The following PDE1A variants were observed in gnomAD, a reference collection of about 807,000 sequenced individuals.
The protein encoded by PDE1A is phosphodiesterase 1A.
PDE1A carries 35 observed loss-of-function variants against 61.7 expected under a neutral mutation model. The observed-to-expected ratio is 0.57, with a 90% CI of 0.43 to 0.75. PDE1A has a LOEUF of 0.75. PDE1A is among the 30% of genes least tolerant of loss of function. The pLI is 0.00. For synonymous variants in PDE1A, 232 were observed against 213.2 expected (o/e 1.09, Z -0.77); for missense variants, 597 against 630.6 (o/e 0.95, Z 0.57).
chr2:182,167,955 A>C, exon 14 of PDE1A: 3 of 1,170,572 alleles, frequency 2.6e-6, no homozygotes, highest in Non-Finnish European at 3.2e-6. Flanking sequence ...AAGAAAATTT[A>C]TTGGCACTCG....
At chr2:182,364,122 T>C (rs1029733980) in intron 1 of PDE1A, among the ~76,000 whole-genome samples, 3 of 152,020 alleles carry the variant, frequency 2.0e-5, no homozygotes, top group East Asian at 1.9e-4. Flanking sequence ...ATATCTCCAA[T>C]AGAACAAGGA....
At chr2:182,182,788 T>G (rs1045465657) in intron 13 of PDE1A, among the ~76,000 whole-genome samples, 2 of 151,886 alleles carry the variant, frequency 1.3e-5, no homozygotes, top group African/African-American at 4.8e-5. Context: ...GTTTTAAAAA[T>G]TTGTTAACAC....
intron 13 of PDE1A, chr2:182,168,424 C>T: frequency 1.3e-6 from 1 of 764,230 alleles, no homozygotes. Context: ...TGAAGAGAAA[C>T]ATAATTGGCA....
chr2:182,413,270 A>G (rs776711050), intron 1 of PDE1A, among the ~76,000 whole-genome samples: 14 of 152,212 alleles, frequency 9.2e-5, no homozygotes, highest in African/African-American at 1.2e-4. Context: ...TGACATAACC[A>G]TGACAAAGTT....
At chr2:182,344,042 T>C (rs1296672953) in intron 1 of PDE1A, among the ~76,000 whole-genome samples, 2 of 151,988 alleles carry the variant, frequency 1.3e-5, no homozygotes, top group African/African-American at 2.4e-5. Flanking sequence ...GGCTAATTTT[T>C]AATATTTTTT....
chr2:182,523,858 C>T (rs147974429), upstream of PDE1A, among the ~76,000 whole-genome samples: 4 of 152,076 alleles, frequency 2.6e-5, no homozygotes, highest in Non-Finnish European at 4.4e-5. Flanking sequence ...ATTACTATGT[C>T]TATACAAATG....
chr2:182,468,113 G>A (rs1023221235), intron 2 of PDE1A, among the ~76,000 whole-genome samples: 1 of 151,938 alleles, frequency 6.6e-6, no homozygotes, highest in Non-Finnish European at 1.5e-5. Context: ...GTTGCTGAAA[G>A]TTGGGGTGGT....
chr2:182,265,759 A>C (rs1692588850), intron 1 of PDE1A, among the ~76,000 whole-genome samples: 1 of 152,186 alleles, frequency 6.6e-6, no homozygotes, highest in South Asian at 2.1e-4. Context: ...CTCTTTACCA[A>C]GTACAAAAGG....
intron 13 of PDE1A, among the ~76,000 whole-genome samples, chr2:182,178,116 A>T (rs1684431908): frequency 6.6e-6 from 1 of 152,200 alleles, no homozygotes; most frequent in Non-Finnish European, 1.5e-5. Flanking sequence ...TAACAGGCTC[A>T]TGCCTATTTA....
At chr2:182,631,546 C>T in the PDE1A span, among the ~76,000 whole-genome samples, 2 of 152,132 alleles carry the variant, frequency 1.3e-5, no homozygotes, top group Non-Finnish European at 2.9e-5. Context: ...AGGCATACCC[C>T]CCAGAAACAA....
At chr2:182,434,955 C>T (rs1257962646) in intron 2 of PDE1A, among the ~76,000 whole-genome samples, 1 of 151,916 alleles carries the variant, frequency 6.6e-6, no homozygotes, top group Admixed American at 6.6e-5. Context: ...GCTAACTCCC[C>T]GGTCATTTAA....
intron 2 of PDE1A, among the ~76,000 whole-genome samples, chr2:182,476,641 T>A (rs1201289376): frequency 3.9e-5 from 6 of 151,944 alleles, no homozygotes; most frequent in Non-Finnish European, 8.8e-5. Context: ...ATAAAATTAA[T>A]GTGGAATGTT....
chr2:182,403,890 G>A (rs1702156159), intron 1 of PDE1A, among the ~76,000 whole-genome samples: 1 of 152,124 alleles, frequency 6.6e-6, no homozygotes, highest in Non-Finnish European at 1.5e-5. Context: ...GTAGATCATG[G>A]GTTGATGGGT....
At chr2:182,302,358 C>T (rs1695301195) in intron 1 of PDE1A, among the ~76,000 whole-genome samples, 1 of 152,162 alleles carries the variant, frequency 6.6e-6, no homozygotes, top group Non-Finnish European at 1.5e-5. Context: ...ACTGCAATAG[C>T]GCAAATGTGA....
At chr2:182,178,827 CA>C (rs976268286) in intron 13 of PDE1A, among the ~76,000 whole-genome samples, 2 of 151,930 alleles carry the variant, frequency 1.3e-5, no homozygotes. Flanking sequence ...CTGTGGCAAG[CA>C]AAGATGTGGG....
At chr2:182,412,528 C>T (rs1702678491) in intron 1 of PDE1A, among the ~76,000 whole-genome samples, 1 of 152,148 alleles carries the variant, frequency 6.6e-6, no homozygotes, top group African/African-American at 2.4e-5. Flanking sequence ...TAGGTAAGAT[C>T]CCTGGCATGT....
At position 182,169,944 on chromosome 2, in the gene PDE1A, C is replaced by CCT. The variant is rs772122359; in HGVS notation, c.1517-1656_1517-1655dup. On this transcript the variant is annotated intron_variant, in intron 13 of 13. Transcript: ENST00000351439. ...CACGCACACACACACACACACTCTC[C>CCT]CTCTCTCTCTTTCTCTTTCATACAC... 4.3e-4 allele frequency among the ~76,000 whole-genome samples: 51 copies of CCT among 119,096 alleles called. 1 individual carries two copies. Among genetic ancestry groups the CCT allele is most frequent in the African/African-American group, 8.6e-4 (31 of 35,910 alleles). 78.1% of individuals were successfully genotyped at this position (119,096 alleles called of 152,430 possible). A position where few individuals can be genotyped will look rare whatever the true frequency, so the allele number is the denominator to read the frequency against.
the PDE1A span, among the ~76,000 whole-genome samples, chr2:182,694,583 G>C: frequency 6.6e-6 from 1 of 152,290 alleles, no homozygotes; most frequent in Non-Finnish European, 1.5e-5. Context: ...TTCTGACAGG[G>C]GGAAGGGTCT....
chr2:182,568,100 C>G, the PDE1A span, among the ~76,000 whole-genome samples: 4 of 151,656 alleles, frequency 2.6e-5, no homozygotes, highest in African/African-American at 9.7e-5. Context: ...CGCCCGCGCC[C>G]GGCAATGTTT....
Sources: gnomAD v4.1 joint callset for allele counts (sites outside exome capture counted in the v4.1 genomes callset) on GRCh38, gnomAD v4.1.1 for gene constraint, MANE v1.5 for transcripts, NCBI Gene and HGNC (gene_info 2026-07-23, HGNC 2026-07-21) for gene names.